The following FAM193A variants were observed in gnomAD, a reference collection of about 807,000 sequenced individuals.
FAM193A encodes the protein family with sequence similarity 193 member A, also known as protein FAM193A.
In FAM193A, 22 loss-of-function variants were observed where a neutral mutation model predicts 126.5. That is an observed-to-expected ratio of 0.17 (90% CI 0.12 to 0.25). The LOEUF is 0.25. Ranked by LOEUF, FAM193A falls within the 10% of genes least tolerant of loss-of-function variation. The pLI, the probability that FAM193A is intolerant of heterozygous loss-of-function variation, is 1.00. For missense variants in FAM193A, 1,675 were observed against 1,672.8 expected (o/e 1.00, Z -0.02); for synonymous variants, 761 against 646.8 (o/e 1.18, Z -2.68).
chr4:2,721,174 G>A (rs541065069), intron 20 of FAM193A, among the ~76,000 whole-genome samples: 2 of 152,058 alleles, frequency 1.3e-5, no homozygotes, highest in East Asian at 1.9e-4. Flanking sequence ...TTAGCCAGGC[G>A]TGGTGGCGGG....
intron 20 of FAM193A, among the ~76,000 whole-genome samples, chr4:2,726,778 C>CAAAAAAAAAA (rs71589604): frequency 5.4e-4 from 24 of 44,852 alleles, no homozygotes; most frequent in Non-Finnish European, 7.7e-4. Context: ...CTAAAAATAC[C>CAAAAAAAAAA]AAAAAAAAAA....
chr4:2,586,294 T>C (rs1740235481), intron 1 of FAM193A, among the ~76,000 whole-genome samples: 1 of 152,154 alleles, frequency 6.6e-6, no homozygotes, highest in South Asian at 2.1e-4. Context: ...TCTTTTCCTT[T>C]ATGCTTTAGT....
chr4:2,652,654 C>T (rs1038140771), intron 7 of FAM193A, among the ~76,000 whole-genome samples: 4 of 152,056 alleles, frequency 2.6e-5, no homozygotes, highest in Admixed American at 6.5e-5. Flanking sequence ...GAAATCTGCC[C>T]CCATGATCTG....
chr4:2,696,310 T>G (rs1717028517), intron 17 of FAM193A, 53 bp from the exon 18 acceptor site: 2 of 1,246,932 alleles, frequency 1.6e-6, no homozygotes, highest in Non-Finnish European at 2.3e-6. Flanking sequence ...GGTCTGAAAT[T>G]TATTATATTC....
At chr4:2,708,067 T>A (rs1266817255) in intron 19 of FAM193A, 5 of 397,690 alleles carry the variant, frequency 1.3e-5, no homozygotes, top group African/African-American at 2.1e-5. Flanking sequence ...GTATTTCTAT[T>A]GGATAGTGCT....
intron 20 of FAM193A, chr4:2,719,910 C>A (rs1719937903): frequency 4.1e-6 from 1 of 245,976 alleles, no homozygotes; most frequent in South Asian, 3.5e-5. Context: ...CCCACCTCAG[C>A]CCTCCAAGTA....
In FAM193A at chr4:2,610,652, A is replaced by G. The variant is rs74754950; in HGVS notation, c.501+14323A>G. Among the ~76,000 whole-genome samples, 445 of 152,220 alleles carry G rather than the reference A, an allele frequency of 2.9e-3. 1 individual carries two copies. The highest frequency in any genetic ancestry group is 7.8e-3 in the African/African-American group (325 of 41,514). On this transcript the variant is annotated intron_variant, in intron 2 of 20. Transcript: ENST00000637812. The stretch of plus-strand genomic sequence containing the variant: ...TAATCCATTGTATGGATAAACCACA[A>G]TTTGTTTATCCATTCATCAATAGAG...
intron 2 of FAM193A, among the ~76,000 whole-genome samples, chr4:2,614,040 T>C (rs1742043056): frequency 6.6e-6 from 1 of 152,242 alleles, no homozygotes; most frequent in Non-Finnish European, 1.5e-5. Context: ...CCCAAAGTGC[T>C]GGGATTACAG....
chr4:2,551,009 C>T (rs1431857985), intron 1 of FAM193A, among the ~76,000 whole-genome samples: 1 of 151,932 alleles, frequency 6.6e-6, no homozygotes, highest in African/African-American at 2.4e-5. Flanking sequence ...ACCATGTTAG[C>T]CAGGATGGTC....
intron 1 of FAM193A, among the ~76,000 whole-genome samples, chr4:2,547,815 G>T (rs1341875021): frequency 6.6e-6 from 1 of 151,540 alleles, no homozygotes; most frequent in Non-Finnish European, 1.5e-5. Flanking sequence ...AGTAGAGATG[G>T]GATTTCACCA....
Position 2,626,502 on chromosome 4 carries a change from C to G in FAM193A, c.728C>G (p.Ala243Gly). Residue 243 changes from alanine to glycine, a missense_variant, in exon 4 of 21, where the codon GCA becomes GGA. This residue lies in a region of FAM193A where 1,186 missense variants were observed against 1,109.2 expected (regional missense o/e 1.07). Coordinates refer to ENST00000637812, the MANE Select transcript of FAM193A (RefSeq NM_001366318.2). ...ACGGTGCGCTGCATCTACCGCCAGG[C>G]AGGAACCCCGCTGGCAGATGACCAG... is the stretch of plus-strand genomic sequence containing the variant. The part of the protein sequence containing the change: ...RYTVRCIYRQ[A>G]GTPLADDQDQ... 2.8e-6 allele frequency: 2 copies of G among 702,586 alleles called. No homozygotes were observed. The highest frequency in any genetic ancestry group is 3.0e-5 in the South Asian group (2 of 67,576). The allele number at this position is 702,586 out of a possible 1,614,324, so 43.5% of individuals were successfully genotyped here. A position where few individuals can be genotyped will look rare whatever the true frequency, so the allele number is the denominator to read the frequency against.
rs987619114 is a variant in FAM193A, at chr4:2,642,696, G to A, written c.1163+2837G>A. ...CGTCAGCCTGTCAGACTGTGGGTGGGTGACTGAAACCGGAAGTGCATCATA... is the reference window on the plus strand; with the variant it reads ...CGTCAGCCTGTCAGACTGTGGGTGGATGACTGAAACCGGAAGTGCATCATA... On this transcript the variant is annotated intron_variant, in intron 6 of 20. Transcript: ENST00000637812. Among the ~76,000 whole-genome samples the A allele has an allele frequency of 3.3e-5, 5 of 151,834 alleles. No individual in the cohort carries two copies. In the South Asian group the frequency reaches 8.4e-4, roughly 25 times the overall value.
Position 2,537,190 on chromosome 4 carries a change from A to G in FAM193A, c.255+20A>G, listed in dbSNP as rs1223559849. Reference sequence around the variant, plus strand: ...TTCGAGGTAAGCGGCGGCAGCGGGCAGGGGTCGATGGCGGTACGCGGTTGC... The same window carrying G: ...TTCGAGGTAAGCGGCGGCAGCGGGCGGGGGTCGATGGCGGTACGCGGTTGC... On this transcript the variant is annotated intron_variant, in intron 1 of 20. Coordinates refer to ENST00000637812, the MANE Select transcript of FAM193A (RefSeq NM_001366318.2). The G allele has an allele frequency of 1.1e-5, 2 of 185,918 alleles. No homozygotes were observed. The highest frequency in any genetic ancestry group is 2.2e-5 in the Non-Finnish European group (2 of 90,360). 11.5% of individuals were successfully genotyped at this position (185,918 alleles called of 1,614,324 possible). A position where few individuals can be genotyped will look rare whatever the true frequency, so the allele number is the denominator to read the frequency against.
intron 12 of FAM193A, among the ~76,000 whole-genome samples, chr4:2,670,065 T>G (rs1713610568): frequency 6.6e-6 from 1 of 152,324 alleles, no homozygotes; most frequent in African/African-American, 2.4e-5. Context: ...TGGGACTTGG[T>G]TCTGCACATG....
chr4:2,583,446 G>A (rs1021875412), intron 1 of FAM193A, among the ~76,000 whole-genome samples: 5 of 152,064 alleles, frequency 3.3e-5, no homozygotes, highest in African/African-American at 7.3e-5. Flanking sequence ...CCCCAAATTA[G>A]GACTTTTGTT....
At chr4:2,668,726 G>A (rs186019448) in intron 12 of FAM193A, among the ~76,000 whole-genome samples, 1 of 152,036 alleles carries the variant, frequency 6.6e-6, no homozygotes. Context: ...GCAAATAAAA[G>A]AGAAAAATGT....
At chr4:2,548,229 G>A (rs983427903) in intron 1 of FAM193A, among the ~76,000 whole-genome samples, 23 of 150,798 alleles carry the variant, frequency 1.5e-4, no homozygotes, top group African/African-American at 5.4e-4. Flanking sequence ...CTTCCACCAT[G>A]CCTGACTAAT....
rs745845222 is a variant in FAM193A at position 2,672,237 on chromosome 4, A to G, written c.2196A>G (p.Pro732=). Residue 732 remains proline (P), a synonymous_variant, in exon 13 of 21, where the codon CCA becomes CCG. Coordinates refer to ENST00000637812, the MANE Select transcript of FAM193A (RefSeq NM_001366318.2). The part of the protein sequence containing the change: ...ALPPGHQFLS[P]EKPTHPALHL... ...CTCCTGGCCATCAGTTCTTGAGCCC[A>G]GAGAAGCCCACACACCCTGCACTGC... 1.2e-6 allele frequency: 2 copies of G among 1,614,210 alleles called. No homozygotes were observed. Among genetic ancestry groups the G allele is most frequent in the South Asian group, 2.2e-5 (2 of 91,086 alleles).
At chr4:2,554,009 T>G (rs967091213) in intron 1 of FAM193A, among the ~76,000 whole-genome samples, 1 of 152,182 alleles carries the variant, frequency 6.6e-6, no homozygotes, top group Non-Finnish European at 1.5e-5. Flanking sequence ...TTTCCCAGTC[T>G]TGGGTATGTC....
Sources: gnomAD v4.1 joint callset for allele counts (sites outside exome capture counted in the v4.1 genomes callset) on GRCh38, gnomAD v4.1.1 for gene constraint, gnomAD v4.1.1 regional missense constraint, MANE v1.5 for transcripts, NCBI Gene and HGNC (gene_info 2026-07-23, HGNC 2026-07-21) for gene names.